The following SLC44A5 variants were observed in gnomAD, a reference collection of about 807,000 sequenced individuals.
SLC44A5 encodes solute carrier family 44 member 5.
A neutral mutation model predicts 101.8 loss-of-function variants in SLC44A5; 57 were observed. The observed-to-expected ratio is 0.56, with a 90% confidence interval of 0.45 to 0.70. SLC44A5 has a LOEUF of 0.70. Among genes scored for constraint, SLC44A5 ranks in the 30% least tolerant of loss-of-function variants. SLC44A5 has a pLI of 0.00. For synonymous variants in SLC44A5, 281 were observed against 290.9 expected (o/e 0.97, Z 0.35); for missense variants, 737 against 853.1 (o/e 0.86, Z 1.70).
intron 2 of SLC44A5, among the ~76,000 whole-genome samples, chr1:75,469,388 G>A (rs1570370495): frequency 6.6e-6 from 1 of 152,136 alleles, no homozygotes; most frequent in African/African-American, 2.4e-5. Flanking sequence ...AGCGTGAGCT[G>A]TAACACCATG....
At chr1:75,524,510 A>G (rs184429445) in intron 2 of SLC44A5, among the ~76,000 whole-genome samples, 1 of 152,342 alleles carries the variant, frequency 6.6e-6, no homozygotes, top group African/African-American at 2.4e-5. Context: ...TTAAGTGATT[A>G]CAGGAAAGGT....
At chr1:75,391,923 A>T (rs914804482) in intron 3 of SLC44A5, among the ~76,000 whole-genome samples, 1 of 152,204 alleles carries the variant, frequency 6.6e-6, no homozygotes, top group Admixed American at 6.6e-5. Flanking sequence ...GGAGGCCAAG[A>T]TGGGTGGATT....
the SLC44A5 span, among the ~76,000 whole-genome samples, chr1:75,712,271 T>C: frequency 5.9e-5 from 9 of 152,252 alleles, no homozygotes; most frequent in African/African-American, 2.2e-4. Context: ...TTGGGAAAAC[T>C]GATAATTTCA....
intron 2 of SLC44A5, among the ~76,000 whole-genome samples, chr1:75,505,945 G>A (rs949776793): frequency 1.3e-5 from 2 of 152,042 alleles, no homozygotes; most frequent in Admixed American, 6.6e-5. Context: ...GTCCAAAATG[G>A]CATTTCCTAG....
chr1:75,367,651 G>A (rs1659949698), intron 3 of SLC44A5, among the ~76,000 whole-genome samples: 1 of 152,208 alleles, frequency 6.6e-6, no homozygotes, highest in Non-Finnish European at 1.5e-5. Context: ...GCGTCCCTTG[G>A]TGGATGGTGC....
chr1:75,690,929 AC>A, the SLC44A5 span, among the ~76,000 whole-genome samples: 1 of 152,068 alleles, frequency 6.6e-6, no homozygotes, highest in East Asian at 1.9e-4. Flanking sequence ...GGAGTTCAAG[AC>A]CAGCCTGGGT....
intron 1 of SLC44A5, among the ~76,000 whole-genome samples, chr1:75,562,249 C>A (rs192386543): frequency 4.6e-5 from 7 of 151,978 alleles, no homozygotes; most frequent in African/African-American, 1.4e-4. Context: ...TTTTTCTACC[C>A]CAGATCCATC....
intron 18 of SLC44A5, 120 bp from the exon 19 acceptor site, chr1:75,215,977 T>A (rs1428538726): frequency 1.6e-6 from 1 of 608,526 alleles, no homozygotes; most frequent in Non-Finnish European, 2.8e-6. Flanking sequence ...AAAATATACA[T>A]AATATAAAAT....
chr1:75,250,962 A>G (rs113253151), intron 7 of SLC44A5, among the ~76,000 whole-genome samples: 155 of 152,318 alleles, frequency 1.0e-3, no homozygotes, highest in African/African-American at 3.7e-3. Flanking sequence ...ATTTATTTAT[A>G]AAAGTAAGTG....
intron 2 of SLC44A5, among the ~76,000 whole-genome samples, chr1:75,413,263 G>C (rs1663400249): frequency 6.6e-6 from 1 of 151,910 alleles, no homozygotes; most frequent in Non-Finnish European, 1.5e-5. Context: ...TTGGGGTCTT[G>C]GAATATATCC....
chr1:75,560,048 A>G (rs1672435910), intron 1 of SLC44A5, among the ~76,000 whole-genome samples: 1 of 152,154 alleles, frequency 6.6e-6, no homozygotes. Context: ...AACTGTTGGT[A>G]AGGATGTGAA....
chr1:75,219,738 C>A, intron 15 of SLC44A5, 62 bp downstream of exon 15: 1 of 1,050,602 alleles, frequency 9.5e-7, no homozygotes, highest in Non-Finnish European at 1.5e-6. Flanking sequence ...TGAACACAAA[C>A]TCCTGGTTCA....
At chr1:75,483,402 T>C (rs1478538668) in intron 2 of SLC44A5, among the ~76,000 whole-genome samples, 1 of 152,170 alleles carries the variant, frequency 6.6e-6, no homozygotes, top group Non-Finnish European at 1.5e-5. Context: ...GAACATAGCA[T>C]AATTTAGGTA....
intron 4 of SLC44A5, among the ~76,000 whole-genome samples, chr1:75,315,354 TC>T (rs1655612269): frequency 6.6e-6 from 1 of 152,180 alleles, no homozygotes; most frequent in East Asian, 1.9e-4. Flanking sequence ...ACCTCTAAGG[TC>T]TAAATTATCC....
chr1:75,541,511 A>G lies in SLC44A5; in HGVS notation c.-64T>C, dbSNP rs1671355131. The G allele has an allele frequency of 3.8e-6, 6 of 1,597,920 alleles. No homozygotes were observed. Among genetic ancestry groups the G allele is most frequent in the Non-Finnish European group, 5.1e-6 (6 of 1,173,116 alleles). On this transcript the variant is annotated 5_prime_UTR_variant, in exon 2 of 24. Coordinates refer to ENST00000370859, the MANE Select transcript of SLC44A5 (RefSeq NM_001130058.2). Reference sequence around the variant, plus strand: ...CACTGCAAACTTGAGTTGCTTAGAAAAGAGTCTGTGATAAAAACAAGTATG... The same window carrying G: ...CACTGCAAACTTGAGTTGCTTAGAAGAGAGTCTGTGATAAAAACAAGTATG...
chr1:75,622,110 T>C, the SLC44A5 span, among the ~76,000 whole-genome samples: 16 of 152,234 alleles, frequency 1.1e-4, no homozygotes, highest in African/African-American at 3.6e-4. Context: ...GATTATCACA[T>C]TGATGATCCT....
intron 2 of SLC44A5, among the ~76,000 whole-genome samples, chr1:75,417,268 T>C (rs2101541945): frequency 6.6e-6 from 1 of 152,322 alleles, no homozygotes; most frequent in Middle Eastern, 3.4e-3. Context: ...AGAGTCTCTC[T>C]GCACAAGCTC....
chr1:75,328,454 T>C (rs2100989669), intron 4 of SLC44A5, among the ~76,000 whole-genome samples: 1 of 152,280 alleles, frequency 6.6e-6, no homozygotes, highest in East Asian at 1.9e-4. Context: ...CAGGTGAATT[T>C]GGGTTGAATG....
chr1:75,668,209 C>T, the SLC44A5 span, among the ~76,000 whole-genome samples: 1 of 151,172 alleles, frequency 6.6e-6, no homozygotes, highest in Admixed American at 6.6e-5. Flanking sequence ...ATAGGTTTTA[C>T]TGTGGAAGTG....
Sources: allele counts gnomAD v4.1 joint callset (sites outside exome capture counted in the v4.1 genomes callset), GRCh38; gene constraint gnomAD v4.1.1; transcripts MANE v1.5; gene names NCBI Gene and HGNC (gene_info 2026-07-23, HGNC 2026-07-21).